Variants in LOC400499 observed in about 807,000 individuals in gnomAD.
the LOC400499 span, among the ~76,000 whole-genome samples, chr16:11,382,063 A>G: frequency 1.3e-5 from 2 of 151,704 alleles, no homozygotes; most frequent in Non-Finnish European, 2.9e-5. Context: ...CAGCCTTCAT[A>G]GTTGCTGGGA....
the LOC400499 span, chr16:11,472,546 C>G: frequency 6.6e-6 from 1 of 152,298 alleles, no homozygotes; most frequent in East Asian, 1.9e-4. Context: ...AACACAGGCT[C>G]TGCAGCAAGA....
the LOC400499 span, among the ~76,000 whole-genome samples, chr16:11,394,850 C>T: frequency 6.6e-6 from 1 of 152,148 alleles, no homozygotes; most frequent in Non-Finnish European, 1.5e-5. Flanking sequence ...GGAGTGTGGC[C>T]CTGCTGACAA....
chr16:11,385,041 G>T, the LOC400499 span: 1 of 1,232,204 alleles, frequency 8.1e-7, no homozygotes, highest in Non-Finnish European at 1.0e-6. Flanking sequence ...TCCCCCGGCA[G>T]GGAGGAGTTG....
the LOC400499 span, among the ~76,000 whole-genome samples, chr16:11,519,557 T>C: frequency 6.6e-6 from 1 of 152,120 alleles, no homozygotes; most frequent in Non-Finnish European, 1.5e-5. Flanking sequence ...GCCAACATGG[T>C]GGAACCCCAT....
the LOC400499 span, chr16:11,460,556 T>G: frequency 6.5e-7 from 1 of 1,535,624 alleles, no homozygotes; most frequent in Non-Finnish European, 8.7e-7. Context: ...TGAGCCACTG[T>G]CTGCCCGCAG....
At chr16:11,468,950 G>A in the LOC400499 span, among the ~76,000 whole-genome samples, 1 of 152,176 alleles carries the variant, frequency 6.6e-6, no homozygotes, top group Non-Finnish European at 1.5e-5. Context: ...GCATGTTTTT[G>A]TGTTATTAAT....
At chr16:11,442,590 C>T in the LOC400499 span, 1 of 152,210 alleles carries the variant, frequency 6.6e-6, no homozygotes, top group Non-Finnish European at 1.5e-5. Context: ...TTTACTCAGT[C>T]AGACCCTGTT....
the LOC400499 span, among the ~76,000 whole-genome samples, chr16:11,382,176 G>C: frequency 6.6e-6 from 1 of 152,104 alleles, no homozygotes. Context: ...GACCTCAGGT[G>C]ATCTGCCCAT....
chr16:11,418,704 T>C, the LOC400499 span, among the ~76,000 whole-genome samples: 1 of 152,240 alleles, frequency 6.6e-6, no homozygotes, highest in African/African-American at 2.4e-5. Flanking sequence ...ATCCCATTCC[T>C]GTGGCTGCTT....
chr16:11,462,487 T>C, the LOC400499 span: 2 of 962,600 alleles, frequency 2.1e-6, no homozygotes, highest in Admixed American at 6.2e-5. Context: ...TGGAGTGCAG[T>C]GGTGGAATCC....
the LOC400499 span, chr16:11,450,615 G>A: frequency 1.8e-5 from 28 of 1,535,938 alleles, 1 homozygote; most frequent in Middle Eastern, 1.7e-4. Context: ...TCACCCGGAG[G>A]TAGGTGGTAG....
the LOC400499 span, among the ~76,000 whole-genome samples, chr16:11,505,477 A>G: frequency 9.2e-6 from 1 of 108,764 alleles, no homozygotes; most frequent in African/African-American, 3.6e-5. Flanking sequence ...TTTTTGGAGA[A>G]GAGTCTCACT....
chr16:11,388,283 C>T, the LOC400499 span, among the ~76,000 whole-genome samples: 13 of 152,282 alleles, frequency 8.5e-5, no homozygotes, highest in South Asian at 4.1e-4. Context: ...CCAAGCCAAA[C>T]CCCGCCCTGG....
At chr16:11,381,461 G>T in the LOC400499 span, among the ~76,000 whole-genome samples, 4 of 152,058 alleles carry the variant, frequency 2.6e-5, no homozygotes, top group African/African-American at 9.6e-5. Flanking sequence ...ATGAGTCCTC[G>T]GTCTGATAGA....
the LOC400499 span, among the ~76,000 whole-genome samples, chr16:11,407,494 T>G: frequency 4.6e-5 from 7 of 152,342 alleles, no homozygotes; most frequent in African/African-American, 1.4e-4. Context: ...TGGATGAAGT[T>G]TGATGATGCG....
the LOC400499 span, among the ~76,000 whole-genome samples, chr16:11,400,782 G>A: frequency 2.6e-5 from 4 of 152,084 alleles, no homozygotes; most frequent in African/African-American, 9.7e-5. Context: ...CACACCTTCT[G>A]ATTTTTTAAT....
At chr16:11,457,089 G>A in the LOC400499 span, 2 of 1,465,226 alleles carry the variant, frequency 1.4e-6, no homozygotes, top group Middle Eastern at 1.9e-4. Context: ...TGCCACCCCT[G>A]GCGTAGAATG....
the LOC400499 span, among the ~76,000 whole-genome samples, chr16:11,458,736 G>A: frequency 8.6e-5 from 13 of 151,962 alleles, no homozygotes; most frequent in African/African-American, 1.2e-4. Flanking sequence ...ACTCCAAAAT[G>A]GTTAAAATAG....
At chr16:11,506,977 C>G in the LOC400499 span, among the ~76,000 whole-genome samples, 1 of 152,188 alleles carries the variant, frequency 6.6e-6, no homozygotes, top group African/African-American at 2.4e-5. Context: ...GGGACCTCCA[C>G]GGTGGCAGTA....
Sources: gnomAD v4.1 joint callset for allele counts (sites outside exome capture counted in the v4.1 genomes callset) on GRCh38, gnomAD v4.1.1 for gene constraint, MANE v1.5 for transcripts.